Variants in MAML3 observed in about 807,000 individuals in gnomAD.
MAML3 encodes the protein mastermind like transcriptional coactivator 3, also known as mastermind-like protein 3.
MAML3 carries 27 observed loss-of-function variants against 101.9 expected under a neutral mutation model. That is an observed-to-expected ratio of 0.27 (90% confidence interval 0.20 to 0.37). MAML3 has a LOEUF of 0.37. Ranked by LOEUF, MAML3 falls within the 10% of genes least tolerant of loss-of-function variation. The pLI is 1.00. For missense variants in MAML3, 1,316 were observed against 1,444.9 expected (o/e 0.91, Z 1.45); for synonymous variants, 501 against 555.9 (o/e 0.90, Z 1.39).
chr4:140,027,992 T>G (rs1726852677), intron 1 of MAML3, among the ~76,000 whole-genome samples: 1 of 152,224 alleles, frequency 6.6e-6, no homozygotes, highest in African/African-American at 2.4e-5. Flanking sequence ...ATATTTACCC[T>G]CTCAAATGTT....
intron 2 of MAML3, among the ~76,000 whole-genome samples, chr4:139,836,024 G>A (rs1362435222): frequency 6.6e-6 from 1 of 152,198 alleles, no homozygotes; most frequent in African/African-American, 2.4e-5. Flanking sequence ...GGACTGTGCA[G>A]GAGACAGCGG....
rs555080211 is a variant in MAML3, at chr4:139,948,969, C to T, written c.469-58002G>A. Among the ~76,000 whole-genome samples, 5 of 152,164 alleles carry T rather than the reference C, an allele frequency of 3.3e-5. No individual in the cohort carries two copies. In the South Asian group the frequency reaches 1.0e-3, roughly 32 times the overall value. On this transcript the variant is annotated intron_variant, in intron 1 of 4. Transcript: ENST00000509479. Reference sequence around the variant, plus strand: ...CCCTATGGCCATGCAGCCTCTACGCCTTATTGACATGCTTCTAAAATACAA... The same window carrying T: ...CCCTATGGCCATGCAGCCTCTACGCTTTATTGACATGCTTCTAAAATACAA...
At chr4:140,010,793 T>G (rs1159092175) in intron 1 of MAML3, among the ~76,000 whole-genome samples, 1 of 152,118 alleles carries the variant, frequency 6.6e-6, no homozygotes. Context: ...ATGAATGACA[T>G]AATGATCCCA....
intron 1 of MAML3, among the ~76,000 whole-genome samples, chr4:140,102,418 C>T (rs1728269352): frequency 6.6e-6 from 1 of 152,122 alleles, no homozygotes; most frequent in African/African-American, 2.4e-5. Flanking sequence ...GATCAAGGTG[C>T]CAAGCAAGGC....
intron 1 of MAML3, among the ~76,000 whole-genome samples, chr4:139,896,162 G>C (rs1732604067): frequency 6.6e-6 from 1 of 152,152 alleles, no homozygotes; most frequent in Non-Finnish European, 1.5e-5. Context: ...CTATGTGGCT[G>C]AGAAGGCTGA....
intron 1 of MAML3, among the ~76,000 whole-genome samples, chr4:140,056,435 G>A (rs937280305): frequency 1.3e-5 from 2 of 149,926 alleles, no homozygotes; most frequent in East Asian, 2.0e-4. Flanking sequence ...TCGGCTCACC[G>A]CAATCTCTGC....
At chr4:140,009,486 C>T (rs1318928837) in intron 1 of MAML3, among the ~76,000 whole-genome samples, 1 of 152,154 alleles carries the variant, frequency 6.6e-6, no homozygotes, top group Admixed American at 6.5e-5. Context: ...AGATCTTTTC[C>T]TATAATTTTT....
chr4:140,031,325 A>G (rs913661564), intron 1 of MAML3, among the ~76,000 whole-genome samples: 3 of 152,232 alleles, frequency 2.0e-5, no homozygotes, highest in East Asian at 3.8e-4. Flanking sequence ...TCCGAGGGTC[A>G]AAGCTGAGAT....
chr4:139,863,878 G>A (rs1279111672), intron 2 of MAML3, among the ~76,000 whole-genome samples: 1 of 126,742 alleles, frequency 7.9e-6, no homozygotes, highest in Admixed American at 9.3e-5. Context: ...CCTTGACATG[G>A]GAGGGGAATA....
chr4:139,809,906 T>G (rs1341106665), intron 2 of MAML3, among the ~76,000 whole-genome samples: 7 of 131,806 alleles, frequency 5.3e-5, no homozygotes, highest in Non-Finnish European at 8.8e-5. Context: ...ACACGGATGC[T>G]CCAGTGACTG....
At chr4:140,140,375 T>A (rs772730875) in intron 1 of MAML3, among the ~76,000 whole-genome samples, 22 of 152,110 alleles carry the variant, frequency 1.4e-4, no homozygotes, top group Non-Finnish European at 2.8e-4. Flanking sequence ...TCTTAATTTA[T>A]CATACTGGAT....
chr4:139,923,230 T>C (rs1733159112), intron 1 of MAML3, among the ~76,000 whole-genome samples: 1 of 152,056 alleles, frequency 6.6e-6, no homozygotes, highest in Admixed American at 6.6e-5. Context: ...ATCCAGACGG[T>C]GGAAGCTCCA....
chr4:139,971,003 G>C (rs1168933055), intron 1 of MAML3, among the ~76,000 whole-genome samples: 1 of 152,138 alleles, frequency 6.6e-6, no homozygotes, highest in Non-Finnish European at 1.5e-5. Flanking sequence ...CTGTTAACTA[G>C]TTCTGTCTTA....
intron 2 of MAML3, among the ~76,000 whole-genome samples, chr4:139,753,805 CG>C (rs1190973846): frequency 6.6e-6 from 1 of 152,142 alleles, no homozygotes; most frequent in African/African-American, 2.4e-5. Flanking sequence ...CCAGACACAG[CG>C]CTGGACACCA....
intron 2 of MAML3, among the ~76,000 whole-genome samples, chr4:139,886,368 TACACATG>T (rs1388475149): frequency 6.6e-6 from 1 of 152,152 alleles, no homozygotes; most frequent in East Asian, 1.9e-4. Context: ...GTAGAATTAA[TACACATG>T]TATGATAGAA....
At chr4:139,899,856 A>G (rs1218136523) in intron 1 of MAML3, among the ~76,000 whole-genome samples, 1 of 152,200 alleles carries the variant, frequency 6.6e-6, no homozygotes, top group African/African-American at 2.4e-5. Flanking sequence ...TCTGCTTTCG[A>G]CCATCCCAGA....
chr4:140,052,304 C>T (rs894945058), intron 1 of MAML3, among the ~76,000 whole-genome samples: 3 of 152,110 alleles, frequency 2.0e-5, no homozygotes, highest in African/African-American at 4.8e-5. Context: ...GGAGCCACTG[C>T]GGGGTAGCCA....
intron 2 of MAML3, among the ~76,000 whole-genome samples, chr4:139,812,588 C>T (rs1730824205): frequency 1.3e-5 from 2 of 152,220 alleles, no homozygotes; most frequent in Admixed American, 6.5e-5. Context: ...TCTTACCTCA[C>T]TCCAAACCTG....
At chr4:139,771,623 G>T (rs1729981996) in intron 2 of MAML3, among the ~76,000 whole-genome samples, 1 of 152,158 alleles carries the variant, frequency 6.6e-6, no homozygotes, top group African/African-American at 2.4e-5. Context: ...CTAGAGTTTA[G>T]CTGGCGGAAA....
Sources: gnomAD v4.1 joint callset for allele counts (sites outside exome capture counted in the v4.1 genomes callset) on GRCh38, gnomAD v4.1.1 for gene constraint, MANE v1.5 for transcripts, NCBI Gene and HGNC (gene_info 2026-07-23, HGNC 2026-07-21) for gene names.